The following ANO4 variants were observed in gnomAD, a reference collection of about 807,000 sequenced individuals.
ANO4 encodes the protein anoctamin 4.
ANO4 carries 69 observed loss-of-function variants against 141.9 expected under a neutral mutation model. That is an observed-to-expected ratio of 0.49 (90% CI 0.40 to 0.59). The LOEUF (loss-of-function observed/expected upper bound fraction) is 0.59, where lower values mean the gene tolerates loss of function less well. Among genes scored for constraint, ANO4 ranks in the 20% least tolerant of loss-of-function variants. The pLI, the probability that ANO4 is intolerant of heterozygous loss-of-function variation, is 0.00. For missense variants in ANO4, 894 were observed against 1,162.2 expected (o/e 0.77, Z 3.36); for synonymous variants, 350 against 394.3 (o/e 0.89, Z 1.33).
At chr12:101,072,255 A>G (rs998119951) in intron 14 of ANO4, among the ~76,000 whole-genome samples, 2 of 152,176 alleles carry the variant, frequency 1.3e-5, no homozygotes, top group African/African-American at 4.8e-5. Context: ...AAGAGAGCAC[A>G]GGGAAGATAT....
chr12:100,748,685 A>G (rs542022664), intron 3 of ANO4, among the ~76,000 whole-genome samples: 19 of 152,274 alleles, frequency 1.2e-4, no homozygotes, highest in African/African-American at 4.3e-4. Context: ...GCATAGTTGA[A>G]TTAGTATCTG....
chr12:100,778,815 G>A (rs1418117741), intron 3 of ANO4, among the ~76,000 whole-genome samples: 4 of 152,142 alleles, frequency 2.6e-5, no homozygotes, highest in Non-Finnish European at 5.9e-5. Flanking sequence ...ATTTTGCAGT[G>A]AACACCCGCC....
chr12:101,064,245 G>C (rs1010473902), intron 14 of ANO4, among the ~76,000 whole-genome samples: 5 of 151,938 alleles, frequency 3.3e-5, no homozygotes, highest in Non-Finnish European at 7.4e-5. Flanking sequence ...AATTTCCTTT[G>C]TGAGTTCTTC....
chr12:100,870,167 A>G (rs2038960350), intron 1 of ANO4, among the ~76,000 whole-genome samples: 1 of 152,204 alleles, frequency 6.6e-6, no homozygotes, highest in Non-Finnish European at 1.5e-5. Flanking sequence ...AACTGTGGAA[A>G]GGGTTGCTGG....
intron 2 of ANO4, among the ~76,000 whole-genome samples, chr12:100,916,542 A>G (rs1174685856): frequency 3.3e-5 from 5 of 152,196 alleles, no homozygotes; most frequent in South Asian, 2.1e-4. Flanking sequence ...GTTACTGTCT[A>G]GTTGAAGGTG....
At chr12:101,001,336 G>A (rs903126857) in intron 8 of ANO4, among the ~76,000 whole-genome samples, 3 of 152,186 alleles carry the variant, frequency 2.0e-5, no homozygotes, top group Admixed American at 1.3e-4. Context: ...AAGAGCAGAG[G>A]TGAGGAAAAC....
In ANO4 at chr12:100,815,770, T is replaced by TG. The variant is rs201497579; in HGVS notation, c.-141+20743_-141+20744insG. ...ACATATATATGTGTGTGTGTGTGTG[T>TG]TTGTGTGTGTGAATTTATGCATATG... On this transcript the variant is annotated intron_variant, in intron 1 of 27. Transcript: ENST00000392977. Among the ~76,000 whole-genome samples the TG allele has an allele frequency of 3.1e-3, 472 of 152,032 alleles. 4 individuals are homozygous for TG. Among genetic ancestry groups the TG allele is most frequent in the African/African-American group, 0.01 (424 of 41,490 alleles).
intron 1 of ANO4, among the ~76,000 whole-genome samples, chr12:100,899,063 C>G (rs1180849966): frequency 6.6e-6 from 1 of 152,106 alleles, no homozygotes; most frequent in Non-Finnish European, 1.5e-5. Context: ...GGTGTCTGTC[C>G]TACTTATAGA....
intron 1 of ANO4, among the ~76,000 whole-genome samples, chr12:100,881,556 T>C (rs1460711020): frequency 1.3e-5 from 2 of 152,166 alleles, no homozygotes; most frequent in Non-Finnish European, 2.9e-5. Flanking sequence ...CCATGGATTG[T>C]GATGGTATCT....
intron 14 of ANO4, among the ~76,000 whole-genome samples, chr12:101,058,772 T>G (rs1263580051): frequency 2.0e-5 from 3 of 152,226 alleles, no homozygotes; most frequent in African/African-American, 7.2e-5. Context: ...GCTGAGACGA[T>G]GGGGTTTTAT....
intron 10 of ANO4, among the ~76,000 whole-genome samples, chr12:101,037,620 A>G (rs1394937393): frequency 6.6e-6 from 1 of 152,222 alleles, no homozygotes; most frequent in Non-Finnish European, 1.5e-5. Flanking sequence ...TTCACCTAAG[A>G]TGTATAAATA....
At chr12:101,098,013 G>T (rs1385698495) in intron 21 of ANO4, 68 bp downstream of exon 21, 17 of 1,427,402 alleles carry the variant, frequency 1.2e-5, no homozygotes, top group African/African-American at 2.8e-5. Flanking sequence ...GGTGTGGCAA[G>T]TAAGATAAGC....
chr12:100,891,842 A>G (rs1330455664), intron 1 of ANO4, among the ~76,000 whole-genome samples: 1 of 152,166 alleles, frequency 6.6e-6, no homozygotes, highest in Non-Finnish European at 1.5e-5. Flanking sequence ...ATTTTGTATA[A>G]TAGATCCCCA....
At chr12:101,090,529 A>G (rs2049722471) in intron 17 of ANO4, among the ~76,000 whole-genome samples, 1 of 152,174 alleles carries the variant, frequency 6.6e-6, no homozygotes, top group East Asian at 1.9e-4. Context: ...GTTCTCACTC[A>G]TAGGTGGGAA....
chr12:100,990,027 A>G (rs1239445312), intron 8 of ANO4, among the ~76,000 whole-genome samples: 14 of 139,766 alleles, frequency 1.0e-4, no homozygotes, highest in Non-Finnish European at 3.2e-5. Flanking sequence ...ATGGATGGAC[A>G]GATGGATGAA....
chr12:100,990,759 T>C (rs928115854), intron 8 of ANO4, among the ~76,000 whole-genome samples: 1 of 152,168 alleles, frequency 6.6e-6, no homozygotes, highest in African/African-American at 2.4e-5. Flanking sequence ...TGATGAGGAT[T>C]GATCACAAGA....
chr12:100,760,086 G>T (rs2135522949), intron 3 of ANO4, among the ~76,000 whole-genome samples: 1 of 152,240 alleles, frequency 6.6e-6, no homozygotes, highest in South Asian at 2.1e-4. Context: ...TTTGGAGTTT[G>T]CCATTCCCAC....
At chr12:101,066,852 G>C (rs1198189286) in intron 14 of ANO4, 1 of 1,331,254 alleles carries the variant, frequency 7.5e-7, no homozygotes. Flanking sequence ...GATGCGCTCA[G>C]TGAGAGAGAT....
At chr12:100,863,640 TATTC>T (rs1254912099) in intron 1 of ANO4, among the ~76,000 whole-genome samples, 2 of 152,332 alleles carry the variant, frequency 1.3e-5, no homozygotes, top group Admixed American at 6.5e-5. Flanking sequence ...ATGTATTATA[TATTC>T]ATTATGTACA....
Sources: allele counts gnomAD v4.1 joint callset (sites outside exome capture counted in the v4.1 genomes callset), GRCh38; gene constraint gnomAD v4.1.1; transcripts MANE v1.5; gene names NCBI Gene and HGNC (gene_info 2026-07-23, HGNC 2026-07-21).